MEIOC: variants seen among roughly 807,000 people sequenced by gnomAD.
MEIOC encodes the protein meiosis-specific coiled-coil domain-containing protein MEIOC.
In MEIOC, 9 loss-of-function variants were observed where a neutral mutation model predicts 85.3. The observed-to-expected ratio is 0.11, with a 90% CI of 0.06 to 0.18. MEIOC has a LOEUF of 0.18. MEIOC is among the 10% of genes least tolerant of loss of function. MEIOC has a pLI of 1.00. For synonymous variants in MEIOC, 365 were observed against 393.7 expected (o/e 0.93, Z 0.86); for missense variants, 898 against 1,129.4 (o/e 0.80, Z 2.94).
intron 3 of MEIOC, chr17:44,665,087 T>A: frequency 1.0e-6 from 1 of 990,192 alleles, no homozygotes; most frequent in Non-Finnish European, 1.2e-6. Flanking sequence ...GATGACAGAT[T>A]TATATCTTGG....
rs1972036681 is a variant in MEIOC, at chr17:44,673,396, C to G, written c.2488C>G (p.Leu830Val). Residue 830 changes from leucine to valine, a missense_variant, in exon 7 of 8, where the codon CTT becomes GTT. Coordinates refer to ENST00000409122, the MANE Select transcript of MEIOC (RefSeq NM_001145080.3). Reference sequence around the variant, plus strand: ...GACTTTACTAGGCAAAATGGAACGTCTTCGGAGTTCTCTTCTTCATGCCAG... The same window carrying G: ...GACTTTACTAGGCAAAATGGAACGTGTTCGGAGTTCTCTTCTTCATGCCAG... Reference protein sequence around the residue: ...VVTLLGKMERLRSSLLHASIS... With the variant: ...VVTLLGKMERVRSSLLHASIS... 1 of 1,546,736 alleles carries G rather than the reference C, an allele frequency of 6.5e-7. No individual in the cohort carries two copies. Among genetic ancestry groups the G allele is most frequent in the South Asian group, 1.2e-5 (1 of 82,922 alleles).
At position 44,666,887 on chromosome 17, in the gene MEIOC, T is replaced by G. The variant is rs1254837875; in HGVS notation, c.976T>G (p.Cys326Gly). The G allele has an allele frequency of 3.1e-6, 5 of 1,609,620 alleles. No homozygotes were observed. Among genetic ancestry groups the G allele is most frequent in the South Asian group, 1.1e-5 (1 of 90,512 alleles). The change falls in exon 5 of 8, where the codon TGT becomes GGT. Residue 326 changes from cysteine (C) to glycine (G), a missense_variant. By Grantham distance (159) the Cys-to-Gly change is radical. Around this residue, in one of 2 missense-constraint regions of MEIOC, gnomAD observed 734 missense variants for 860.1 expected, o/e 0.85. Coordinates refer to ENST00000409122, the MANE Select transcript of MEIOC (RefSeq NM_001145080.3). ...TAGATACAATGAAAATGTAGATTAT[T>G]GTAGATACCCAGAGTATGTTCATCC... The part of the protein sequence containing the change: ...FNRYNENVDY[C>G]RYPEYVHPNK...
At chr17:44,662,882 G>T (rs1971859189) in intron 3 of MEIOC, among the ~76,000 whole-genome samples, 1 of 152,068 alleles carries the variant, frequency 6.6e-6, no homozygotes, top group African/African-American at 2.4e-5. Flanking sequence ...GCCTAGGCTG[G>T]TCTTGAACTC....
intron 2 of MEIOC, among the ~76,000 whole-genome samples, chr17:44,660,163 T>C (rs1010605974): frequency 2.0e-5 from 3 of 152,126 alleles, no homozygotes; most frequent in African/African-American, 4.8e-5. Flanking sequence ...TTTAGAAATA[T>C]TAACAGAATA....
At chr17:44,664,315 T>G (rs1971878513) in intron 3 of MEIOC, among the ~76,000 whole-genome samples, 1 of 152,130 alleles carries the variant, frequency 6.6e-6, no homozygotes, top group Non-Finnish European at 1.5e-5. Flanking sequence ...TGAGCAGAGA[T>G]CGCGCCATTG....
chr17:44,669,313 G>A lies in MEIOC; in HGVS notation c.2323-70G>A, dbSNP rs538945767. ...GTAATACTCTATTTATTAGGCTTACGAAAACTATTATTCATGGTCGAATCA... is the reference window on the plus strand; with the variant it reads ...GTAATACTCTATTTATTAGGCTTACAAAAACTATTATTCATGGTCGAATCA... On this transcript the variant is annotated intron_variant, in intron 5 of 7. Coordinates refer to ENST00000409122, the MANE Select transcript of MEIOC (RefSeq NM_001145080.3). 8.3e-5 allele frequency: 107 copies of A among 1,290,068 alleles called. No homozygotes were observed. The South Asian group carries it at 1.1e-3, about 13-fold the overall frequency. 79.9% of individuals were successfully genotyped at this position (1,290,068 alleles called of 1,614,324 possible).
At chr17:44,661,996 G>A (rs542044755) in intron 2 of MEIOC, among the ~76,000 whole-genome samples, 10 of 152,244 alleles carry the variant, frequency 6.6e-5, no homozygotes, top group African/African-American at 2.2e-4. Flanking sequence ...CCCGATACCT[G>A]TTTTGTAAAT....
At chr17:44,663,937 TACTA>T (rs1313565674) in intron 3 of MEIOC, among the ~76,000 whole-genome samples, 2 of 152,210 alleles carry the variant, frequency 1.3e-5, no homozygotes, top group Non-Finnish European at 2.9e-5. Flanking sequence ...AACGAATGAT[TACTA>T]ATGCTTACCT....
downstream of MEIOC, chr17:44,675,811 A>G: frequency 1.1e-6 from 1 of 888,488 alleles, no homozygotes; most frequent in Non-Finnish European, 1.3e-6. Context: ...ATTTGGTTTC[A>G]TTTTTCTAAA....
chr17:44,657,191 G>T lies in MEIOC; in HGVS notation c.134G>T (p.Arg45Met). 1 of 1,551,872 alleles carries T rather than the reference G, an allele frequency of 6.4e-7. No individual in the cohort carries two copies. The highest frequency in any genetic ancestry group is 2.4e-5 in the East Asian group (1 of 40,912). ...CWNLGADAGS[R>M]LTDVFGSVML... Reference sequence around the variant, plus strand: ...AACCTCGGCGCCGACGCCGGCAGCAGGTTAACCGACGTCTTCGGCAGCGTG... The same window carrying T: ...AACCTCGGCGCCGACGCCGGCAGCATGTTAACCGACGTCTTCGGCAGCGTG... The change falls in exon 2 of 8, where the codon AGG (arginine) becomes ATG (methionine). Residue 45 changes from arginine (R) to methionine (M), a missense_variant. Physicochemically the swap from Arg to Met is moderately conservative, Grantham distance 91 (BLOSUM62 -1). Coordinates refer to ENST00000409122, the MANE Select transcript of MEIOC (RefSeq NM_001145080.3).
chr17:44,658,065 T>A (rs1256037853), intron 2 of MEIOC, among the ~76,000 whole-genome samples: 1 of 151,376 alleles, frequency 6.6e-6, no homozygotes, highest in African/African-American at 2.4e-5. Flanking sequence ...TTCCCCAGGC[T>A]GGTCTCGAAC....
intron 3 of MEIOC, 32 bp downstream of exon 3, chr17:44,662,503 G>C (rs1473927271): frequency 7.0e-7 from 1 of 1,419,426 alleles, no homozygotes; most frequent in Non-Finnish European, 9.5e-7. Flanking sequence ...GGTAATTGAG[G>C]TATTTTTAAA....
chr17:44,659,845 A>G (rs535361687), intron 2 of MEIOC, among the ~76,000 whole-genome samples: 1 of 152,234 alleles, frequency 6.6e-6, no homozygotes, highest in Non-Finnish European at 1.5e-5. Flanking sequence ...AAGCCTTTGT[A>G]AAAGTTGCTG....
chr17:44,664,156 G>A lies in MEIOC; in HGVS notation c.360-1228G>A, dbSNP rs144131339. ...GAAGCTGAGGTGGGCAGATCACAAGGTCAGGAGTTCGAGACCAGCCTGACC... is the reference window on the plus strand; with the variant it reads ...GAAGCTGAGGTGGGCAGATCACAAGATCAGGAGTTCGAGACCAGCCTGACC... On this transcript the variant is annotated intron_variant, in intron 3 of 7. Coordinates refer to ENST00000409122, the MANE Select transcript of MEIOC (RefSeq NM_001145080.3). Among the ~76,000 whole-genome samples the A allele has an allele frequency of 7.4e-4, 113 of 152,126 alleles. 3 individuals are homozygous for A. The East Asian group carries it at 0.019, about 26-fold the overall frequency.
At chr17:44,668,681 A>G (rs1194649877) in intron 5 of MEIOC, among the ~76,000 whole-genome samples, 1 of 152,162 alleles carries the variant, frequency 6.6e-6, no homozygotes, top group Non-Finnish European at 1.5e-5. Flanking sequence ...ATTTGCTGTA[A>G]GTTCATTACT....
chr17:44,673,292 C>T, intron 6 of MEIOC, 74 bp from the exon 7 acceptor site: 2 of 1,087,966 alleles, frequency 1.8e-6, no homozygotes, highest in Non-Finnish European at 2.6e-6. Flanking sequence ...CTCTATTCTG[C>T]TTCACTGAAG....
chr17:44,658,298 G>A (rs1286344603), intron 2 of MEIOC, among the ~76,000 whole-genome samples: 1 of 151,308 alleles, frequency 6.6e-6, no homozygotes, highest in Non-Finnish European at 1.5e-5. Context: ...GGGACTACAG[G>A]CACCCGCCAC....
chr17:44,666,616 A>C lies in MEIOC; in HGVS notation c.705A>C (p.Gln235His), dbSNP rs1971907518. ...HGFTGLDLEE[Q>H]WMYPSRSDHS... ...TTACTGGTTTAGATCTTGAAGAACA[A>C]TGGATGTACCCCTCACGAAGTGATC... is the stretch of plus-strand genomic sequence containing the variant. Residue 235 changes from glutamine (Q) to histidine (H), a missense_variant, in exon 5 of 8, where the codon CAA becomes CAC. Transcript: ENST00000409122. 4 of 1,611,252 alleles carry C rather than the reference A, an allele frequency of 2.5e-6. No individual in the cohort carries two copies. Among genetic ancestry groups the C allele is most frequent in the Non-Finnish European group, 3.4e-6 (4 of 1,178,528 alleles).
chr17:44,658,519 G>A (rs1263971369), intron 2 of MEIOC, among the ~76,000 whole-genome samples: 1 of 151,266 alleles, frequency 6.6e-6, no homozygotes, highest in Non-Finnish European at 1.5e-5. Flanking sequence ...TAAGGGCCGG[G>A]CGCCATGGCT....
Sources: gnomAD v4.1 joint callset for allele counts (sites outside exome capture counted in the v4.1 genomes callset) on GRCh38, gnomAD v4.1.1 for gene constraint, gnomAD v4.1.1 regional missense constraint, MANE v1.5 for transcripts, NCBI Gene and HGNC (gene_info 2026-07-23, HGNC 2026-07-21) for gene names.